ERMP1: variants seen among roughly 807,000 people sequenced by gnomAD.
The protein encoded by ERMP1 is Felix-ina.
ERMP1 carries 86 observed loss-of-function variants against 92.0 expected under a neutral mutation model. The observed-to-expected ratio is 0.93, with a 90% CI of 0.79 to 1.12. The LOEUF is 1.12. ERMP1 is among the 50% of genes most tolerant of loss of function. ERMP1 has a pLI of 0.00. For synonymous variants in ERMP1, 530 were observed against 412.8 expected (o/e 1.28, Z -3.44); for missense variants, 1,342 against 1,116.3 (o/e 1.20, Z -2.88).
intron 4 of ERMP1, among the ~76,000 whole-genome samples, chr9:5,814,481 G>A (rs1032233587): frequency 3.9e-5 from 6 of 152,246 alleles, no homozygotes; most frequent in Non-Finnish European, 7.4e-5. Flanking sequence ...AGTGGCTCAC[G>A]CATATAATCC....
chr9:5,795,601 A>G (rs1828391337), intron 13 of ERMP1, among the ~76,000 whole-genome samples: 1 of 152,118 alleles, frequency 6.6e-6, no homozygotes, highest in African/African-American at 2.4e-5. Flanking sequence ...AACGTGGTGA[A>G]ACCCTGTCTC....
At chr9:5,803,372 A>G (rs1454612789) in intron 10 of ERMP1, among the ~76,000 whole-genome samples, 1 of 152,180 alleles carries the variant, frequency 6.6e-6, no homozygotes, top group Non-Finnish European at 1.5e-5. Flanking sequence ...TTCCCAATAA[A>G]ATATAATTTA....
Position 5,810,044 on chromosome 9 carries a change from A to T in ERMP1, c.1515T>A (p.Leu505=). 6.2e-7 allele frequency: 1 copy of T among 1,612,664 alleles called. No homozygotes were observed. Among genetic ancestry groups the T allele is most frequent in the Non-Finnish European group, 8.5e-7 (1 of 1,178,776 alleles). The stretch of plus-strand genomic sequence containing the variant: ...AAAATCTTTTCGCAAGAGTATGTAT[A>T]AGTATTATTTTGGCTACAGTTGCAG... ...YGTATVAKII[L]IHTLAKRFYY... Residue 505 remains leucine (L), a synonymous_variant, in exon 8 of 15, where the codon CTT becomes CTA. Coordinates refer to ENST00000339450, the MANE Select transcript of ERMP1 (RefSeq NM_024896.3).
chr9:5,859,666 C>G (rs377694881), intron 5 of ERMP1, among the ~76,000 whole-genome samples: 1 of 152,148 alleles, frequency 6.6e-6, no homozygotes, highest in African/African-American at 2.4e-5. Context: ...TATTTGCTAT[C>G]CCAACTTACC....
At chr9:5,814,164 A>G (rs1004791267) in intron 4 of ERMP1, among the ~76,000 whole-genome samples, 2 of 152,200 alleles carry the variant, frequency 1.3e-5, no homozygotes, top group African/African-American at 2.4e-5. Context: ...TGTGAGATCA[A>G]TACATCCCTT....
At chr9:5,817,708 T>C (rs1433534016) in intron 4 of ERMP1, among the ~76,000 whole-genome samples, 1 of 152,168 alleles carries the variant, frequency 6.6e-6, no homozygotes, top group African/African-American at 2.4e-5. Flanking sequence ...ATGCGTAACG[T>C]TCAGAGGAGG....
At chr9:5,843,980 C>T (rs1308604401) in intron 6 of ERMP1, among the ~76,000 whole-genome samples, 1 of 152,136 alleles carries the variant, frequency 6.6e-6, no homozygotes, top group Non-Finnish European at 1.5e-5. Flanking sequence ...ACTCCTCCAC[C>T]CCCTGGCCAA....
At chr9:5,847,926 A>AC (rs1830259814) in intron 6 of ERMP1, among the ~76,000 whole-genome samples, 1 of 151,094 alleles carries the variant, frequency 6.6e-6, no homozygotes, top group African/African-American at 2.4e-5. Flanking sequence ...AAAAAAAAAA[A>AC]CCCAAATCAA....
At chr9:5,819,281 G>C (rs1239127744) in intron 4 of ERMP1, among the ~76,000 whole-genome samples, 1 of 152,176 alleles carries the variant, frequency 6.6e-6, no homozygotes, top group Non-Finnish European at 1.5e-5. Context: ...GATGAACCTT[G>C]TGAAAGCTGT....
chr9:5,809,258 G>C (rs1237107111), intron 8 of ERMP1, among the ~76,000 whole-genome samples: 3 of 151,164 alleles, frequency 2.0e-5, no homozygotes, highest in Admixed American at 6.6e-5. Flanking sequence ...CTGACCTTGT[G>C]ATCCGCCCAC....
intron 4 of ERMP1, among the ~76,000 whole-genome samples, chr9:5,818,062 A>G (rs1013715953): frequency 1.3e-5 from 2 of 151,836 alleles, no homozygotes; most frequent in South Asian, 4.2e-4. Context: ...GGATCTCGGT[A>G]TATCAAGGTG....
chr9:5,826,747 T>C (rs542452762), intron 2 of ERMP1, among the ~76,000 whole-genome samples: 5 of 152,212 alleles, frequency 3.3e-5, no homozygotes, highest in African/African-American at 1.2e-4. Context: ...TGAAATAAAC[T>C]CTCTTTTTAA....
intron 6 of ERMP1, among the ~76,000 whole-genome samples, chr9:5,846,422 C>A (rs938194445): frequency 6.6e-6 from 1 of 152,198 alleles, no homozygotes; most frequent in Non-Finnish European, 1.5e-5. Flanking sequence ...TCTGTAAAAA[C>A]AGAGATATTA....
Position 5,793,585 on chromosome 9 carries a change from G to C in ERMP1, c.2386+4232C>G, listed in dbSNP as rs190431270. ...TTAACTATGAAGGCACATAAATTAA[G>C]AGTCAGTGGATGGAGAACATTATAC... is the stretch of plus-strand genomic sequence containing the variant. On this transcript the variant is annotated intron_variant, in intron 13 of 14. Transcript: ENST00000339450. Among the ~76,000 whole-genome samples, 58 of 152,158 alleles carry C rather than the reference G, an allele frequency of 3.8e-4. 1 individual carries two copies. The highest frequency in any genetic ancestry group is 3.4e-3 in the Middle Eastern group (1 of 294).
rs1241981306 is a variant in ERMP1 at position 5,809,167 on chromosome 9, G to GC, written c.1548+843dup. On this transcript the variant is annotated intron_variant, in intron 8 of 14. Coordinates refer to ENST00000339450, the MANE Select transcript of ERMP1 (RefSeq NM_024896.3). ...CTCCCGAGCAGCTGGGACTACAGGC[G>GC]CCGCCACCTCGCCCGGCTAATTTTT... 8.5e-5 allele frequency among the ~76,000 whole-genome samples: 13 copies of GC among 152,096 alleles called. No individual in the cohort carries two copies. In the East Asian group the frequency reaches 2.3e-3, roughly 27 times the overall value.
intron 6 of ERMP1, among the ~76,000 whole-genome samples, chr9:5,840,546 CA>C (rs1184960992): frequency 3.3e-5 from 5 of 152,186 alleles, no homozygotes; most frequent in Non-Finnish European, 5.9e-5. Flanking sequence ...CCCCCAGGGC[CA>C]GAAAGACTGC....
intron 5 of ERMP1, 48 bp downstream of exon 5, chr9:5,812,841 T>A (rs1305625108): frequency 6.2e-7 from 1 of 1,609,988 alleles, no homozygotes; most frequent in Non-Finnish European, 8.5e-7. Context: ...AAAATTTGCT[T>A]TTGATAAATA....
intron 4 of ERMP1, among the ~76,000 whole-genome samples, chr9:5,819,526 T>C (rs190896412): frequency 3.9e-5 from 6 of 152,370 alleles, no homozygotes; most frequent in Non-Finnish European, 8.8e-5. Flanking sequence ...ACCCTTGTTA[T>C]TGATCCTTGT....
At chr9:5,840,103 G>GT (rs1830143516) in intron 6 of ERMP1, among the ~76,000 whole-genome samples, 1 of 152,152 alleles carries the variant, frequency 6.6e-6, no homozygotes, top group Non-Finnish European at 1.5e-5. Context: ...TTAACCAGGC[G>GT]TGGTGGCGCA....
Sources: gnomAD v4.1 joint callset for allele counts (sites outside exome capture counted in the v4.1 genomes callset) on GRCh38, gnomAD v4.1.1 for gene constraint, MANE v1.5 for transcripts, NCBI Gene and HGNC (gene_info 2026-07-23, HGNC 2026-07-21) for gene names.